CTNNA2: variants seen among roughly 807,000 people sequenced by gnomAD.
CTNNA2 encodes catenin alpha-2.
Under a neutral mutation model 101.0 loss-of-function variants are expected in CTNNA2, and 42 were observed. The observed-to-expected ratio is 0.42, with a 90% CI of 0.32 to 0.54. CTNNA2 has a LOEUF of 0.54. CTNNA2 is among the 20% of genes least tolerant of loss of function. The pLI, the probability that CTNNA2 is intolerant of heterozygous loss-of-function variation, is 0.14. For missense variants in CTNNA2, 871 were observed against 1,223.1 expected (o/e 0.71, Z 4.29); for synonymous variants, 450 against 456.4 (o/e 0.99, Z 0.18).
intron 7 of CTNNA2, among the ~76,000 whole-genome samples, chr2:80,018,778 G>GT (rs1304545617): frequency 4.8e-5 from 5 of 104,722 alleles, no homozygotes; most frequent in African/African-American, 1.4e-4. Flanking sequence ...GAGACTCTGT[G>GT]TAAAAAAAAA....
chr2:80,321,283 T>C (rs577099564), intron 7 of CTNNA2, among the ~76,000 whole-genome samples: 4 of 152,208 alleles, frequency 2.6e-5, no homozygotes, highest in African/African-American at 9.6e-5. Context: ...GGAGGTTTCA[T>C]TGGGAGGGTT....
At chr2:79,308,782 G>GTTTTT (rs10691338) in intron 2 of CTNNA2, among the ~76,000 whole-genome samples, 176 of 136,352 alleles carry the variant, frequency 1.3e-3, no homozygotes, top group African/African-American at 2.0e-3. Flanking sequence ...TCATTTTATG[G>GTTTTT]TTTTTTTTTT....
At chr2:80,368,557 G>A (rs1675145418) in intron 7 of CTNNA2, among the ~76,000 whole-genome samples, 1 of 151,816 alleles carries the variant, frequency 6.6e-6, no homozygotes, top group South Asian at 2.1e-4. Context: ...CAAAAAGTAA[G>A]CCTTAACACA....
chr2:79,986,661 A>G (rs928305731), intron 7 of CTNNA2, among the ~76,000 whole-genome samples: 2 of 152,000 alleles, frequency 1.3e-5, no homozygotes, highest in African/African-American at 4.8e-5. Flanking sequence ...GCCTCATGAC[A>G]TTTCTGCTCA....
chr2:79,686,170 A>G (rs1683917376), intron 2 of CTNNA2, among the ~76,000 whole-genome samples: 1 of 152,052 alleles, frequency 6.6e-6, no homozygotes, highest in Non-Finnish European at 1.5e-5. Context: ...CATGACAAGA[A>G]ATGAGGCTCT....
At chr2:80,053,693 A>T (rs1697029237) in intron 7 of CTNNA2, among the ~76,000 whole-genome samples, 1 of 152,188 alleles carries the variant, frequency 6.6e-6, no homozygotes, top group Non-Finnish European at 1.5e-5. Flanking sequence ...GATGCCTGAA[A>T]TTCCACACTT....
At chr2:79,531,894 C>G (rs1672768596) in intron 1 of CTNNA2, among the ~76,000 whole-genome samples, 1 of 152,036 alleles carries the variant, frequency 6.6e-6, no homozygotes, top group Admixed American at 6.6e-5. Flanking sequence ...GTTGGTCAGG[C>G]TGGTCTCGAA....
At chr2:80,611,371 AAG>A (rs1006475776) in intron 17 of CTNNA2, among the ~76,000 whole-genome samples, 8 of 148,440 alleles carry the variant, frequency 5.4e-5, no homozygotes, top group African/African-American at 2.0e-4. Context: ...AGAAAAAAGA[AAG>A]AGAAAGTTAA....
intron 4 of CTNNA2, among the ~76,000 whole-genome samples, chr2:79,430,610 T>C (rs1244403911): frequency 1.3e-5 from 2 of 152,192 alleles, no homozygotes; most frequent in African/African-American, 4.8e-5. Context: ...TCTAGCCTTT[T>C]TGCATATATT....
chr2:79,313,787 C>T (rs976768008), intron 3 of CTNNA2, among the ~76,000 whole-genome samples: 1 of 152,136 alleles, frequency 6.6e-6, no homozygotes, highest in Non-Finnish European at 1.5e-5. Flanking sequence ...CCCAGCATGG[C>T]AGGTCCTTCA....
At chr2:80,218,377 A>G (rs1371064610) in intron 7 of CTNNA2, among the ~76,000 whole-genome samples, 2 of 152,252 alleles carry the variant, frequency 1.3e-5, no homozygotes, top group Non-Finnish European at 2.9e-5. Flanking sequence ...AGGACATCCT[A>G]TGTTAATCCG....
intron 3 of CTNNA2, among the ~76,000 whole-genome samples, chr2:79,353,624 T>A (rs959531238): frequency 2.6e-5 from 4 of 152,166 alleles, no homozygotes; most frequent in African/African-American, 9.7e-5. Flanking sequence ...TTATTCCACT[T>A]GTCATTCTAT....
chr2:79,290,753 G>A (rs11126708), intron 2 of CTNNA2, among the ~76,000 whole-genome samples: 7,479 of 152,162 alleles, frequency 0.049, 252 homozygotes, highest in Middle Eastern at 0.14. Context: ...TCTCCCTTCC[G>A]GCTTCCCCAT....
chr2:79,514,601 G>A (rs1349399584), intron 1 of CTNNA2: 1 of 152,162 alleles, frequency 6.6e-6, no homozygotes, highest in Non-Finnish European at 1.5e-5. Context: ...CTTTCTGTTA[G>A]CATTGCTGCT....
chr2:80,566,129 G>C (rs913643908), intron 12 of CTNNA2, among the ~76,000 whole-genome samples: 1 of 152,144 alleles, frequency 6.6e-6, no homozygotes, highest in Non-Finnish European at 1.5e-5. Flanking sequence ...TACTACATTA[G>C]TTATATATTT....
At chr2:80,284,383 G>A (rs1674593821) in intron 7 of CTNNA2, among the ~76,000 whole-genome samples, 1 of 152,086 alleles carries the variant, frequency 6.6e-6, no homozygotes, top group South Asian at 2.1e-4. Flanking sequence ...TCAGCTCTGA[G>A]CCCTATCCAG....
intron 7 of CTNNA2, among the ~76,000 whole-genome samples, chr2:80,265,323 G>A (rs990451826): frequency 3.3e-5 from 5 of 152,094 alleles, no homozygotes; most frequent in African/African-American, 7.2e-5. Flanking sequence ...TTTGTGAAAC[G>A]TTTTTTGAGC....
rs1252315697 is a variant in CTNNA2 at position 80,302,746 on chromosome 2, G to A, written c.1057-90465G>A. The A allele has an allele frequency of 1.2e-6, 2 of 1,612,982 alleles. No individual in the cohort carries two copies. Among genetic ancestry groups the A allele is most frequent in the Non-Finnish European group, 1.7e-6 (2 of 1,179,876 alleles). ...CCCCATCCTCGCACAGGTGGAAGGCGTACACGGCGTCCAGGACGTCCTCGC... is the reference window on the plus strand; with the variant it reads ...CCCCATCCTCGCACAGGTGGAAGGCATACACGGCGTCCAGGACGTCCTCGC... On this transcript the variant is annotated intron_variant, in intron 7 of 18. Transcript: ENST00000402739. This position sits in a 1 kb window ranked among gnomAD's most constrained non-coding sequence, Gnocchi z 6.4.
intron 7 of CTNNA2, among the ~76,000 whole-genome samples, chr2:80,341,450 G>GA (rs1482057391): frequency 6.6e-6 from 1 of 152,088 alleles, no homozygotes; most frequent in Non-Finnish European, 1.5e-5. Context: ...TTATACTAGA[G>GA]ATTTGAATAG....
Sources: allele counts gnomAD v4.1 joint callset (sites outside exome capture counted in the v4.1 genomes callset), GRCh38; gene constraint gnomAD v4.1.1; non-coding constraint Gnocchi (gnomAD v3.1); transcripts MANE v1.5; gene names NCBI Gene and HGNC (gene_info 2026-07-23, HGNC 2026-07-21).